The following RGS20 variants were observed in gnomAD, a reference collection of about 807,000 sequenced individuals.
The protein encoded by RGS20 is gz-selective GTPase-activating protein.
Under a neutral mutation model 33.6 loss-of-function variants are expected in RGS20, and 30 were observed. That is an observed-to-expected ratio of 0.89 (90% CI 0.67 to 1.21). The LOEUF (loss-of-function observed/expected upper bound fraction) is 1.21. Ranked by LOEUF, RGS20 falls within the 50% of genes most tolerant of loss-of-function variation. The probability of loss-of-function intolerance (pLI) is 0.00; values close to 1 mark genes in which losing one functional copy is unlikely to be tolerated. For synonymous variants in RGS20, 208 were observed against 197.9 expected, an observed-to-expected ratio of 1.05 and a Z score of -0.43; for missense variants, 472 against 502.4, an observed-to-expected ratio of 0.94 and a Z score of 0.58.
chr8:53,901,887 A>G (rs1341482706), intron 2 of RGS20, among the ~76,000 whole-genome samples: 1 of 152,222 alleles, frequency 6.6e-6, no homozygotes, highest in Admixed American at 6.5e-5. Context: ...TAGAGATAGA[A>G]TAGAATGCAG....
intron 1 of RGS20, among the ~76,000 whole-genome samples, chr8:53,853,634 T>C (rs747244868): frequency 5.3e-5 from 8 of 152,180 alleles, no homozygotes; most frequent in Non-Finnish European, 1.2e-4. Context: ...ATGGAAACAC[T>C]CAACTCATTT....
At chr8:53,958,133 C>T (rs567834497) in intron 5 of RGS20, 137 bp from the exon 5 acceptor site, 70 of 623,106 alleles carry the variant, frequency 1.1e-4, no homozygotes, top group African/African-American at 1.0e-3. Flanking sequence ...AAGACTCTGT[C>T]TCAAAACAAA....
At chr8:53,948,515 CTA>C (rs930739636) in intron 4 of RGS20, among the ~76,000 whole-genome samples, 3 of 109,318 alleles carry the variant, frequency 2.7e-5, no homozygotes, top group African/African-American at 7.5e-5. Flanking sequence ...TTTACATATG[CTA>C]TATATGATAC....
intron 2 of RGS20, among the ~76,000 whole-genome samples, chr8:53,920,537 C>T (rs947557466): frequency 6.6e-6 from 1 of 151,926 alleles, no homozygotes; most frequent in Non-Finnish European, 1.5e-5. Flanking sequence ...ATTTTTCTTG[C>T]CTTACTGCCG....
chr8:53,896,960 T>C (rs931911916), intron 2 of RGS20, among the ~76,000 whole-genome samples: 1 of 152,210 alleles, frequency 6.6e-6, no homozygotes, highest in South Asian at 2.1e-4. Flanking sequence ...GATAAAAAAT[T>C]CTAATAATGG....
intron 2 of RGS20, among the ~76,000 whole-genome samples, 172 bp from the exon 2 acceptor site, chr8:53,939,404 A>C (rs1814222725): frequency 6.6e-6 from 1 of 152,240 alleles, no homozygotes; most frequent in African/African-American, 2.4e-5. Flanking sequence ...CATGTTGGAT[A>C]CATTAATTGA....
chr8:53,951,547 T>C (rs1814708353), intron 4 of RGS20, among the ~76,000 whole-genome samples: 1 of 152,098 alleles, frequency 6.6e-6, no homozygotes. Flanking sequence ...GCTATATTTA[T>C]TGGTCATTTA....
chr8:53,939,683 C>A lies in RGS20; in HGVS notation c.618C>A (p.Asn206Lys). The A allele has an allele frequency of 1.3e-6, 2 of 1,572,576 alleles. No homozygotes were observed. Among genetic ancestry groups the A allele is most frequent in the South Asian group, 1.2e-5 (1 of 85,726 alleles). ...CCGGAGCGGGGAGTCGCGGGTCCAACGCATGCTGCTTCTGCTGGTGCTGCT... is the reference window on the plus strand; with the variant it reads ...CCGGAGCGGGGAGTCGCGGGTCCAAAGCATGCTGCTTCTGCTGGTGCTGCT... The change falls in exon 3 of 6, where the codon AAC becomes AAA. Residue 206 changes from asparagine (N) to lysine (K), a missense_variant. Physicochemically the swap from Asn to Lys is moderately conservative, Grantham distance 94. Coordinates refer to ENST00000297313, the MANE Select transcript of RGS20 (RefSeq NM_170587.4).
intron 3 of RGS20, among the ~76,000 whole-genome samples, chr8:53,944,099 T>C (rs1239132329): frequency 6.6e-6 from 1 of 151,184 alleles, no homozygotes; most frequent in African/African-American, 2.4e-5. Context: ...AAAGATATAA[T>C]AAAGAATATA....
chr8:53,912,340 C>T lies in RGS20; in HGVS notation c.511-27236C>T, dbSNP rs555493517. Among the ~76,000 whole-genome samples the T allele has an allele frequency of 1.2e-3, 168 of 142,874 alleles. 1 individual carries two copies. The highest frequency in any genetic ancestry group is 4.3e-3 in the African/African-American group (160 of 37,600). 93.7% of individuals were successfully genotyped at this position (142,874 alleles called of 152,430 possible). A position where few individuals can be genotyped will look rare whatever the true frequency, so the allele number is the denominator to read the frequency against. On this transcript the variant is annotated intron_variant, in intron 2 of 5. Coordinates refer to ENST00000297313, the MANE Select transcript of RGS20 (RefSeq NM_170587.4). ...TTTCCCCCAGTCCTCACAATGGATA[C>T]AGTTAATCTTGATTTTTTTTTTTTT...
At chr8:53,870,233 G>A (rs370711198) in intron 1 of RGS20, among the ~76,000 whole-genome samples, 2 of 152,162 alleles carry the variant, frequency 1.3e-5, no homozygotes, top group Admixed American at 6.5e-5. Context: ...TCCTTACAGA[G>A]ATAGTCTATG....
At chr8:53,875,107 G>C (rs1812169867) in intron 1 of RGS20, among the ~76,000 whole-genome samples, 1 of 152,146 alleles carries the variant, frequency 6.6e-6, no homozygotes, top group African/African-American at 2.4e-5. Context: ...AGAATAACAA[G>C]GGTTCAGTTT....
At chr8:53,893,635 G>A (rs1585894851) in intron 2 of RGS20, among the ~76,000 whole-genome samples, 1 of 152,174 alleles carries the variant, frequency 6.6e-6, no homozygotes, top group East Asian at 1.9e-4. Flanking sequence ...TAAGAGTGAG[G>A]GGATCTAGTT....
chr8:53,891,850 G>GT (rs1250566527), intron 2 of RGS20, among the ~76,000 whole-genome samples: 2 of 147,532 alleles, frequency 1.4e-5, no homozygotes, highest in Non-Finnish European at 3.0e-5. Context: ...TTTTTGGTCA[G>GT]TCCCTTCATC....
chr8:53,898,615 C>G (rs1812930966), intron 2 of RGS20, among the ~76,000 whole-genome samples: 2 of 152,138 alleles, frequency 1.3e-5, no homozygotes, highest in Admixed American at 6.5e-5. Flanking sequence ...ATTTCAAAAC[C>G]AGAGATAGAA....
In RGS20 at chr8:53,958,762, G is replaced by A. The variant is rs774806777; in HGVS notation, c.*304G>A. 3.1e-5 allele frequency: 5 copies of A among 161,896 alleles called. No individual in the cohort carries two copies. The highest frequency in any genetic ancestry group is 1.7e-4 in the East Asian group (1 of 5,958). The allele number at this position is 161,896 out of a possible 1,614,324, so 10.0% of individuals were successfully genotyped here. A position where few individuals can be genotyped will look rare whatever the true frequency, so the allele number is the denominator to read the frequency against. ...CTACACAGAAGGCTCCCTGCTGCCC[G>A]GAGCAGGTACATCCACCAGAGCAAA... is the stretch of plus-strand genomic sequence containing the variant. On this transcript the variant is annotated 3_prime_UTR_variant, in exon 6 of 6. Coordinates refer to ENST00000297313, the MANE Select transcript of RGS20 (RefSeq NM_170587.4).
chr8:53,951,834 T>C (rs1454432856), intron 4 of RGS20, among the ~76,000 whole-genome samples: 1 of 151,852 alleles, frequency 6.6e-6, no homozygotes, highest in Non-Finnish European at 1.5e-5. Flanking sequence ...CTGGCCAACA[T>C]GGTGAAACTC....
In RGS20 at chr8:53,959,143, T is replaced by G. The variant is rs1053947842; in HGVS notation, c.*685T>G. The G allele has an allele frequency of 1.3e-5, 2 of 152,200 alleles. No homozygotes were observed. 9.4% of individuals were successfully genotyped at this position (152,200 alleles called of 1,614,324 possible). A position where few individuals can be genotyped will look rare whatever the true frequency, so the allele number is the denominator to read the frequency against. On this transcript the variant is annotated 3_prime_UTR_variant, in exon 6 of 6. Transcript: ENST00000297313. The stretch of plus-strand genomic sequence containing the variant: ...TTCTTTTGTTGAAAAGAGTTACTGT[T>G]ATTATCAGAATTTGCCAACCTAAAG...
In RGS20 at chr8:53,939,605, G is replaced by A; in HGVS notation, c.540G>A (p.Arg180=). 2 of 1,603,706 alleles carry A rather than the reference G, an allele frequency of 1.2e-6. No homozygotes were observed. The highest frequency in any genetic ancestry group is 1.1e-5 in the South Asian group (1 of 89,140). The stretch of plus-strand genomic sequence containing the variant: ...TGGGATCAGAGCGGATGGAGATGCG[G>A]AAGCGGCAGATGCCCGCCGCCCAGG... The change falls in exon 3 of 6, where the codon CGG becomes CGA. Residue 180 remains arginine, a synonymous_variant. Transcript: ENST00000297313.
Sources: gnomAD v4.1 joint callset for allele counts (sites outside exome capture counted in the v4.1 genomes callset) on GRCh38, gnomAD v4.1.1 for gene constraint, MANE v1.5 for transcripts, NCBI Gene and HGNC (gene_info 2026-07-23, HGNC 2026-07-21) for gene names.